The following ACOT13 variants were observed in gnomAD, a reference collection of about 807,000 sequenced individuals.
The protein encoded by ACOT13 is acyl-coenzyme A thioesterase 13.
ACOT13 carries 10 observed loss-of-function variants against 11.8 expected under a neutral mutation model. The ratio of observed to expected loss-of-function variants is 0.85; its 90% CI spans 0.53 to 1.44. The LOEUF is 1.44. ACOT13 is among the 40% of genes most tolerant of loss of function. The probability of loss-of-function intolerance (pLI) is 0.00; values close to 1 mark genes in which losing one functional copy is unlikely to be tolerated. For missense variants in ACOT13, 172 were observed against 174.1 expected, an observed-to-expected ratio of 0.99 and a Z score of 0.07; for synonymous variants, 53 against 61.0, an observed-to-expected ratio of 0.87 and a Z score of 0.61.
chr6:24,671,263 G>T (rs545103062), intron 1 of ACOT13, among the ~76,000 whole-genome samples: 3 of 151,998 alleles, frequency 2.0e-5, no homozygotes, highest in African/African-American at 7.3e-5. Flanking sequence ...ACATATACAC[G>T]ATGGAATACT....
intron 1 of ACOT13, among the ~76,000 whole-genome samples, chr6:24,695,689 G>A (rs1778781423): frequency 6.6e-6 from 1 of 152,176 alleles, no homozygotes; most frequent in African/African-American, 2.4e-5. Flanking sequence ...TGTGAATGAG[G>A]TTAAGTTTAC....
At chr6:24,693,522 A>G (rs1325201813) in intron 1 of ACOT13, among the ~76,000 whole-genome samples, 1 of 152,144 alleles carries the variant, frequency 6.6e-6, no homozygotes, top group East Asian at 1.9e-4. Context: ...GCTTAAAGAG[A>G]ATTCTTGGTT....
intron 2 of ACOT13, among the ~76,000 whole-genome samples, chr6:24,698,307 G>A (rs1038528462): frequency 6.6e-6 from 1 of 152,082 alleles, no homozygotes; most frequent in Admixed American, 6.6e-5. Flanking sequence ...ATTCAAAAGA[G>A]CAACATTCAG....
chr6:24,693,061 T>C, intron 1 of ACOT13, among the ~76,000 whole-genome samples: 1 of 152,222 alleles, frequency 6.6e-6, no homozygotes, highest in East Asian at 1.9e-4. Flanking sequence ...CTTTCCTGCT[T>C]ATATGAAGGT....
Position 24,701,813 on chromosome 6 carries a change from G to C in ACOT13, c.*198G>C. 5 of 492,006 alleles carry C rather than the reference G, an allele frequency of 1.0e-5. No homozygotes were observed. The highest frequency in any genetic ancestry group is 6.9e-6 in the Non-Finnish European group (2 of 289,208). 30.5% of individuals were successfully genotyped at this position (492,006 alleles called of 1,614,324 possible). A position where few individuals can be genotyped will look rare whatever the true frequency, so the allele number is the denominator to read the frequency against. On this transcript the variant is annotated 3_prime_UTR_variant, in exon 3 of 3. Coordinates refer to ENST00000230048, the MANE Select transcript of ACOT13 (RefSeq NM_018473.4). ...TTTAAGCATCTTGTTTTCTAATCAT[G>C]TGTGATAATTGGGTGAAAAATTCTT...
intron 1 of ACOT13, among the ~76,000 whole-genome samples, chr6:24,671,163 G>A (rs1778357113): frequency 6.6e-6 from 1 of 152,134 alleles, no homozygotes; most frequent in Admixed American, 6.5e-5. Flanking sequence ...ACATGCACAT[G>A]TATGTTTATT....
chr6:24,667,401 T>C, intron 1 of ACOT13, 57 bp downstream of exon 1: 2 of 1,508,498 alleles, frequency 1.3e-6, no homozygotes, highest in Non-Finnish European at 1.8e-6. Flanking sequence ...GAAAGCACCG[T>C]GCTTGGTGCC....
At chr6:24,696,527 A>T (rs543132780) in intron 1 of ACOT13, among the ~76,000 whole-genome samples, 1 of 152,346 alleles carries the variant, frequency 6.6e-6, no homozygotes, top group East Asian at 1.9e-4. Context: ...CAACCATTTA[A>T]TGCTTGAGAC....
chr6:24,667,126 C>T lies in ACOT13; in HGVS notation c.-138C>T. 3 of 940,318 alleles carry T rather than the reference C, an allele frequency of 3.2e-6. No homozygotes were observed. Among genetic ancestry groups the T allele is most frequent in the Non-Finnish European group, 4.8e-6 (3 of 630,274 alleles). The allele number at this position is 940,318 out of a possible 1,614,324, so 58.2% of individuals were successfully genotyped here. A position where few individuals can be genotyped will look rare whatever the true frequency, so the allele number is the denominator to read the frequency against. On this transcript the variant is annotated 5_prime_UTR_variant, in exon 1 of 3. Coordinates refer to ENST00000230048, the MANE Select transcript of ACOT13 (RefSeq NM_018473.4). ...GGCTGCCAGCTCGCCTGACTCCCGG[C>T]CTCTTGCGCTCCTAGGGGCGGAGAA...
chr6:24,699,855 TCAAA>T (rs1284169610), intron 2 of ACOT13, among the ~76,000 whole-genome samples: 1 of 152,342 alleles, frequency 6.6e-6, no homozygotes, highest in East Asian at 1.9e-4. Context: ...TTTCAGTAAG[TCAAA>T]CATAGTTTTG....
chr6:24,668,220 G>C (rs1243122099), intron 1 of ACOT13, among the ~76,000 whole-genome samples: 1 of 141,958 alleles, frequency 7.0e-6, no homozygotes. Flanking sequence ...GAAGGTGTTT[G>C]TTGTTGTTGT....
At position 24,693,809 on chromosome 6, in the gene ACOT13, C is replaced by T. The variant is rs1387459690; in HGVS notation, c.82-4074C>T. 2.6e-5 allele frequency among the ~76,000 whole-genome samples: 4 copies of T among 151,770 alleles called. No individual in the cohort carries two copies. In the East Asian group the frequency reaches 7.8e-4, roughly 29 times the overall value. On this transcript the variant is annotated intron_variant, in intron 1 of 2. Coordinates refer to ENST00000230048, the MANE Select transcript of ACOT13 (RefSeq NM_018473.4). ...TGCGAACTCGGCTAACCTCCACTTC[C>T]ACCTCCCAGGCTCAAGGGATTCTCC...
chr6:24,669,098 C>T lies in ACOT13; in HGVS notation c.81+1754C>T, dbSNP rs551465158. Reference sequence around the variant, plus strand: ...ATTTATAACTAAACCTTGTGAACCCCAAAAATTTGAGACAGGTATCAGTTA... The same window carrying T: ...ATTTATAACTAAACCTTGTGAACCCTAAAAATTTGAGACAGGTATCAGTTA... On this transcript the variant is annotated intron_variant, in intron 1 of 2. Transcript: ENST00000230048. Among the ~76,000 whole-genome samples, 3 of 152,268 alleles carry T rather than the reference C, an allele frequency of 2.0e-5. No individual in the cohort carries two copies. In the South Asian group the frequency reaches 6.2e-4, roughly 32 times the overall value.
At chr6:24,670,521 A>G (rs1332252583) in intron 1 of ACOT13, among the ~76,000 whole-genome samples, 2 of 152,246 alleles carry the variant, frequency 1.3e-5, no homozygotes, top group African/African-American at 4.8e-5. Flanking sequence ...CTTAAAGGAA[A>G]GTACACCTTT....
At chr6:24,677,540 C>T (rs1778475625) in intron 1 of ACOT13, among the ~76,000 whole-genome samples, 1 of 152,222 alleles carries the variant, frequency 6.6e-6, no homozygotes, top group Non-Finnish European at 1.5e-5. Context: ...CCACAGGTTG[C>T]AAGCTGGTCC....
At chr6:24,680,140 T>A (rs1038723868) in intron 1 of ACOT13, among the ~76,000 whole-genome samples, 2 of 152,156 alleles carry the variant, frequency 1.3e-5, no homozygotes, top group African/African-American at 4.8e-5. Context: ...ACTTTTTACA[T>A]AATTGCGAGT....
chr6:24,684,744 G>A (rs1317256716), intron 1 of ACOT13, among the ~76,000 whole-genome samples: 1 of 24,632 alleles, frequency 4.1e-5, no homozygotes, highest in African/African-American at 3.4e-4. Context: ...GGCAGACATG[G>A]TCTCATGCCT....
intron 1 of ACOT13, among the ~76,000 whole-genome samples, chr6:24,682,059 T>A (rs1390820929): frequency 6.6e-6 from 1 of 152,180 alleles, no homozygotes; most frequent in African/African-American, 2.4e-5. Context: ...AAGTGGAAGC[T>A]GGCTCCAAGC....
Position 24,672,052 on chromosome 6 carries a change from C to A in ACOT13, c.81+4708C>A, listed in dbSNP as rs944390016. Among the ~76,000 whole-genome samples, 8 of 152,224 alleles carry A rather than the reference C, an allele frequency of 5.3e-5. No individual in the cohort carries two copies. In the South Asian group the frequency reaches 1.7e-3, roughly 32 times the overall value. ...TCAGGGAATCTAATATCTTAAAGGA[C>A]TAATTAGGTCAGAAAAAGACATAAT... is the stretch of plus-strand genomic sequence containing the variant. On this transcript the variant is annotated intron_variant, in intron 1 of 2. Transcript: ENST00000230048.
Sources: allele counts gnomAD v4.1 joint callset (sites outside exome capture counted in the v4.1 genomes callset), GRCh38; gene constraint gnomAD v4.1.1; transcripts MANE v1.5; gene names NCBI Gene and HGNC (gene_info 2026-07-23, HGNC 2026-07-21).